Variants in ENOX1 observed in about 807,000 individuals in gnomAD.
The protein encoded by ENOX1 is ecto-NOX disulfide-thiol exchanger 1.
ENOX1 carries 42 observed loss-of-function variants against 82.5 expected under a neutral mutation model. That is an observed-to-expected ratio of 0.51 (90% CI 0.40 to 0.66). ENOX1 has a LOEUF of 0.66. Among genes scored for constraint, ENOX1 ranks in the 30% least tolerant of loss-of-function variants. The probability of loss-of-function intolerance (pLI) is 0.00; values close to 1 mark genes in which losing one functional copy is unlikely to be tolerated. For missense variants in ENOX1, 608 were observed against 811.6 expected (o/e 0.75, Z 3.05); for synonymous variants, 271 against 282.2 (o/e 0.96, Z 0.40).
At position 43,236,633 on chromosome 13, in the gene ENOX1, T is replaced by C. The variant is rs375265573; in HGVS notation, c.1714+3A>G. ...ACAGATGAAGAAAACAGAATTTCCT[T>C]ACCTATTAGCAGAGCTTCTTTCTCT... On this transcript the variant is annotated splice_donor_region_variant and intron_variant, in intron 15 of 16. Coordinates refer to ENST00000690772, the MANE Select transcript of ENOX1 (RefSeq NM_001347969.2). The C allele has an allele frequency of 3.8e-5, 59 of 1,546,108 alleles. No individual in the cohort carries two copies. The African/African-American group carries it at 5.3e-4, about 14-fold the overall frequency.
intron 14 of ENOX1, among the ~76,000 whole-genome samples, chr13:43,240,333 A>G (rs1210987583): frequency 6.6e-6 from 1 of 152,210 alleles, no homozygotes; most frequent in Non-Finnish European, 1.5e-5. Context: ...TAAAAGGTCT[A>G]AAAGAAAGAA....
At chr13:43,499,872 T>C (rs2076920554) in intron 2 of ENOX1, among the ~76,000 whole-genome samples, 1 of 151,756 alleles carries the variant, frequency 6.6e-6, no homozygotes, top group African/African-American at 2.4e-5. Context: ...AAATTAGAAG[T>C]TCAACAAAGA....
intron 3 of ENOX1, among the ~76,000 whole-genome samples, chr13:43,454,199 A>G (rs2057111552): frequency 6.6e-6 from 1 of 152,180 alleles, no homozygotes; most frequent in Non-Finnish European, 1.5e-5. Context: ...ATAATTAAAA[A>G]GAGTACTCCC....
intron 2 of ENOX1, among the ~76,000 whole-genome samples, chr13:43,508,330 A>T (rs1008454968): frequency 4.6e-5 from 7 of 152,082 alleles, no homozygotes; most frequent in African/African-American, 1.7e-4. Context: ...CCATGAAAAC[A>T]CACTATGGAT....
intron 1 of ENOX1, among the ~76,000 whole-genome samples, chr13:43,779,772 C>T (rs1335747323): frequency 6.6e-6 from 1 of 152,214 alleles, no homozygotes; most frequent in Non-Finnish European, 1.5e-5. Context: ...ATACCAACCT[C>T]CATGCACAGT....
At chr13:43,449,887 C>T (rs926758660) in intron 3 of ENOX1, among the ~76,000 whole-genome samples, 1 of 152,146 alleles carries the variant, frequency 6.6e-6, no homozygotes, top group Non-Finnish European at 1.5e-5. Context: ...CTATCTAAAG[C>T]ATATATACCA....
At chr13:43,719,666 C>T (rs1287961544) in intron 1 of ENOX1, among the ~76,000 whole-genome samples, 2 of 152,102 alleles carry the variant, frequency 1.3e-5, no homozygotes, top group Non-Finnish European at 2.9e-5. Flanking sequence ...CCTAACGTAG[C>T]GCACCAAGTG....
rs568408669 is a variant in ENOX1 at position 43,727,547 on chromosome 13, G to A, written c.-285+59105C>T. On this transcript the variant is annotated intron_variant, in intron 1 of 16. Coordinates refer to ENST00000690772, the MANE Select transcript of ENOX1 (RefSeq NM_001347969.2). Reference sequence around the variant, plus strand: ...TATGAGGAAAACTGGGATGGATAAAGATGGTGCTGAAGTCCATGTATGGTT... The same window carrying A: ...TATGAGGAAAACTGGGATGGATAAAAATGGTGCTGAAGTCCATGTATGGTT... 1.6e-3 allele frequency among the ~76,000 whole-genome samples: 239 copies of A among 152,316 alleles called. 1 individual carries two copies. Among genetic ancestry groups the A allele is most frequent in the African/African-American group, 5.6e-3 (232 of 41,582 alleles).
chr13:43,662,333 T>C (rs2084776001), intron 2 of ENOX1, among the ~76,000 whole-genome samples: 1 of 152,180 alleles, frequency 6.6e-6, no homozygotes, highest in Non-Finnish European at 1.5e-5. Flanking sequence ...AAGTCTTAAA[T>C]TGAATCAAGT....
At chr13:43,508,208 G>A (rs2077242930) in intron 2 of ENOX1, among the ~76,000 whole-genome samples, 1 of 152,028 alleles carries the variant, frequency 6.6e-6, no homozygotes, top group African/African-American at 2.4e-5. Flanking sequence ...ATGGATCAGT[G>A]CCTTATAGAT....
chr13:43,568,626 G>C (rs2080024828), intron 2 of ENOX1, among the ~76,000 whole-genome samples: 1 of 151,522 alleles, frequency 6.6e-6, no homozygotes, highest in South Asian at 2.1e-4. Context: ...GGCATCCCTA[G>C]CACAGTTACC....
At chr13:43,373,375 A>G (rs923011283) in intron 5 of ENOX1, among the ~76,000 whole-genome samples, 7 of 152,110 alleles carry the variant, frequency 4.6e-5, no homozygotes, top group African/African-American at 1.7e-4. Context: ...GATATTTTTC[A>G]TGCCTGGAAA....
intron 2 of ENOX1, among the ~76,000 whole-genome samples, chr13:43,561,848 T>A (rs560358265): frequency 6.6e-6 from 1 of 152,138 alleles, no homozygotes; most frequent in South Asian, 2.1e-4. Flanking sequence ...GGCGTGATGG[T>A]GTACATCTAT....
chr13:43,282,171 G>C (rs1305866902), intron 12 of ENOX1, among the ~76,000 whole-genome samples: 1 of 152,108 alleles, frequency 6.6e-6, no homozygotes, highest in East Asian at 1.9e-4. Context: ...CTGTTAATGA[G>C]ATCTATTACA....
intron 9 of ENOX1, 48 bp downstream of exon 9, chr13:43,344,489 GA>G (rs2153544892): frequency 1.3e-6 from 2 of 1,493,786 alleles, no homozygotes; most frequent in East Asian, 4.5e-5. Flanking sequence ...TAATAAAAAA[GA>G]AAAGGCAAAA....
chr13:43,711,808 A>C (rs1230885869), intron 1 of ENOX1, among the ~76,000 whole-genome samples: 3 of 150,784 alleles, frequency 2.0e-5, no homozygotes, highest in Non-Finnish European at 4.4e-5. Flanking sequence ...TTCATTGTAG[A>C]TTCTGGATAT....
intron 1 of ENOX1, among the ~76,000 whole-genome samples, chr13:43,669,385 G>C (rs1207938013): frequency 2.6e-5 from 4 of 151,948 alleles, no homozygotes; most frequent in African/African-American, 9.7e-5. Flanking sequence ...TTATTCTTGT[G>C]ATTTCTCTGA....
At chr13:43,536,919 T>C (rs1457926925) in intron 2 of ENOX1, among the ~76,000 whole-genome samples, 1 of 152,072 alleles carries the variant, frequency 6.6e-6, no homozygotes, top group Non-Finnish European at 1.5e-5. Context: ...CCAATTTACA[T>C]AAAAAACCAA....
At chr13:43,446,346 GA>G (rs1482470783) in intron 3 of ENOX1, among the ~76,000 whole-genome samples, 1 of 152,124 alleles carries the variant, frequency 6.6e-6, no homozygotes, top group Non-Finnish European at 1.5e-5. Flanking sequence ...AGAACAAAAT[GA>G]GCCTGGACTC....
Sources: gnomAD v4.1 joint callset for allele counts (sites outside exome capture counted in the v4.1 genomes callset) on GRCh38, gnomAD v4.1.1 for gene constraint, MANE v1.5 for transcripts, NCBI Gene and HGNC (gene_info 2026-07-23, HGNC 2026-07-21) for gene names.